The following TMEM245 variants were observed in gnomAD, a reference collection of about 807,000 sequenced individuals.
TMEM245 encodes protein CG-2.
Under a neutral mutation model 101.2 loss-of-function variants are expected in TMEM245, and 69 were observed. The ratio of observed to expected loss-of-function variants is 0.68; its 90% CI spans 0.56 to 0.83. The LOEUF (loss-of-function observed/expected upper bound fraction) is 0.83. Ranked by LOEUF, TMEM245 falls within the 40% of genes least tolerant of loss-of-function variation. The pLI is 0.00. For missense variants in TMEM245, 1,075 were observed against 1,092.8 expected, an observed-to-expected ratio of 0.98 and a Z score of 0.23; for synonymous variants, 537 against 449.8, an observed-to-expected ratio of 1.19 and a Z score of -2.45.
chr9:109,119,445 G>T lies in TMEM245; in HGVS notation c.469C>A (p.Pro157Thr). ...AGGCAGTAGAGGCCGTACAGGAGCG[G>T]GCCGCCGGCGCCGAGCAGCAGGAGC... ...RLLLLLGAGGPLLYGLYCLGS... is the reference protein window; with the variant it reads ...RLLLLLGAGGTLLYGLYCLGS... The change falls in exon 1 of 18, where the codon CCG (proline) becomes ACG (threonine). Residue 157 changes from proline to threonine, a missense_variant. Pro to Thr is a conservative substitution (Grantham distance 38, BLOSUM62 -1). Around this residue, in one of 2 missense-constraint regions of TMEM245, gnomAD observed 808 missense variants for 741.5 expected, o/e 1.09. Transcript: ENST00000374586. The T allele has an allele frequency of 6.6e-7, 1 of 1,507,070 alleles. No homozygotes were observed. Among genetic ancestry groups the T allele is most frequent in the Non-Finnish European group, 8.8e-7 (1 of 1,135,048 alleles). The allele number at this position is 1,507,070 out of a possible 1,614,324, so 93.4% of individuals were successfully genotyped here. A position where few individuals can be genotyped will look rare whatever the true frequency, so the allele number is the denominator to read the frequency against.
intron 10 of TMEM245, among the ~76,000 whole-genome samples, chr9:109,062,191 A>C (rs934611293): frequency 1.3e-5 from 2 of 151,564 alleles, no homozygotes; most frequent in Admixed American, 1.3e-4. Flanking sequence ...TTTTTTGTAG[A>C]GACAAGGTCT....
At position 109,020,429 on chromosome 9, in the gene TMEM245, T is replaced by C. The variant is rs1424497653; in HGVS notation, c.*31A>G. 5 of 1,611,194 alleles carry C rather than the reference T, an allele frequency of 3.1e-6. No individual in the cohort carries two copies. The highest frequency in any genetic ancestry group is 4.2e-6 in the Non-Finnish European group (5 of 1,177,358). On this transcript the variant is annotated 3_prime_UTR_variant, in exon 18 of 18. Coordinates refer to ENST00000374586, the MANE Select transcript of TMEM245 (RefSeq NM_032012.4). The stretch of plus-strand genomic sequence containing the variant: ...CTGAACTCGCTGTCAAATTTGAACT[T>C]CCTAGAAAAATCACTGCAGAGGAAA...
intron 9 of TMEM245, among the ~76,000 whole-genome samples, chr9:109,069,029 T>C (rs1315820235): frequency 6.6e-6 from 1 of 152,226 alleles, no homozygotes; most frequent in African/African-American, 2.4e-5. Flanking sequence ...CCTGGTTTTA[T>C]TGTACTATAG....
chr9:109,099,116 C>T (rs1830217613), intron 3 of TMEM245, among the ~76,000 whole-genome samples: 1 of 152,192 alleles, frequency 6.6e-6, no homozygotes, highest in South Asian at 2.1e-4. Flanking sequence ...AATAACACCT[C>T]CCCAGCCTGC....
intron 3 of TMEM245, among the ~76,000 whole-genome samples, chr9:109,101,140 T>C (rs1052123586): frequency 1.3e-4 from 19 of 151,988 alleles, no homozygotes; most frequent in African/African-American, 4.6e-4. Context: ...ATAAGAATAA[T>C]AAATAAATAG....
intron 17 of TMEM245, among the ~76,000 whole-genome samples, chr9:109,025,974 T>C: frequency 6.6e-6 from 1 of 152,224 alleles, no homozygotes; most frequent in Non-Finnish European, 1.5e-5. Flanking sequence ...TCTAACAAGT[T>C]TTTTTGCAGT....
chr9:109,024,162 G>T (rs1317731878), intron 17 of TMEM245, among the ~76,000 whole-genome samples: 6 of 152,166 alleles, frequency 3.9e-5, no homozygotes, highest in Admixed American at 2.6e-4. Flanking sequence ...CCTGAAAGTT[G>T]TAACTAACTA....
intron 8 of TMEM245, among the ~76,000 whole-genome samples, chr9:109,074,756 C>A (rs1245385311): frequency 2.0e-5 from 3 of 152,082 alleles, no homozygotes; most frequent in African/African-American, 7.2e-5. Context: ...AGTCTAGATA[C>A]CCTAACAAAG....
intron 12 of TMEM245, among the ~76,000 whole-genome samples, chr9:109,055,599 T>C (rs1828807007): frequency 6.6e-6 from 1 of 152,116 alleles, no homozygotes; most frequent in South Asian, 2.1e-4. Flanking sequence ...GCAAGTATGA[T>C]AGCAGAAATG....
At chr9:109,108,617 T>TG (rs1039519431) in intron 1 of TMEM245, 47 bp from the exon 2 acceptor site, 6 of 1,361,240 alleles carry the variant, frequency 4.4e-6, no homozygotes, top group Non-Finnish European at 6.2e-6. Context: ...CACGTGAAAA[T>TG]GAACATACAA....
At chr9:109,099,036 T>G (rs1830215685) in intron 3 of TMEM245, among the ~76,000 whole-genome samples, 1 of 152,212 alleles carries the variant, frequency 6.6e-6, no homozygotes, top group Admixed American at 6.5e-5. Flanking sequence ...TCCATTCTTT[T>G]TCACAGGGAT....
At position 109,090,904 on chromosome 9, in the gene TMEM245, A is replaced by G; in HGVS notation, c.1150+18T>C. On this transcript the variant is annotated intron_variant, in intron 5 of 17. Coordinates refer to ENST00000374586, the MANE Select transcript of TMEM245 (RefSeq NM_032012.4). The stretch of plus-strand genomic sequence containing the variant: ...ATCTTCAAAGACAAGACGAGATCGT[A>G]CTTAACCAGATAACGACCTGCAATC... 6.2e-7 allele frequency: 1 copy of G among 1,610,454 alleles called. No homozygotes were observed. Among genetic ancestry groups the G allele is most frequent in the Non-Finnish European group, 8.5e-7 (1 of 1,176,762 alleles).
chr9:109,057,357 A>G, intron 11 of TMEM245, 35 bp from the exon 12 acceptor site: 1 of 1,595,132 alleles, frequency 6.3e-7, no homozygotes, highest in Non-Finnish European at 8.6e-7. Flanking sequence ...TGAAATTCCC[A>G]TCTTAATCTA....
chr9:109,074,846 C>G (rs751526311), intron 8 of TMEM245, among the ~76,000 whole-genome samples: 7 of 152,130 alleles, frequency 4.6e-5, no homozygotes, highest in Non-Finnish European at 8.8e-5. Context: ...ACACAAAATA[C>G]AAACTGCACC....
In TMEM245 at chr9:109,081,003, T is replaced by C; in HGVS notation, c.1345-60A>G. ...TAAAGTAGAACTTTAAAAATACATATACTCAATTGTCATAAAGACAAAACA... is the reference window on the plus strand; with the variant it reads ...TAAAGTAGAACTTTAAAAATACATACACTCAATTGTCATAAAGACAAAACA... On this transcript the variant is annotated intron_variant, in intron 7 of 17. Transcript: ENST00000374586. The C allele has an allele frequency of 3.7e-6, 4 of 1,075,106 alleles. No individual in the cohort carries two copies. The South Asian group carries it at 4.1e-5, about 11-fold the overall frequency. The allele number at this position is 1,075,106 out of a possible 1,614,324, so 66.6% of individuals were successfully genotyped here. A position where few individuals can be genotyped will look rare whatever the true frequency, so the allele number is the denominator to read the frequency against.
Position 109,107,778 on chromosome 9 carries a change from G to C in TMEM245, c.697+675C>G, listed in dbSNP as rs111603947. 9.5e-4 allele frequency among the ~76,000 whole-genome samples: 145 copies of C among 152,280 alleles called. 1 individual carries two copies. The highest frequency in any genetic ancestry group is 3.2e-3 in the African/African-American group (134 of 41,560). ...TTCCATTGGCTCAAACTTGGGAGAT[G>C]AAAGTCTCAACCATAAGTACCACGC... On this transcript the variant is annotated intron_variant, in intron 2 of 17. Coordinates refer to ENST00000374586, the MANE Select transcript of TMEM245 (RefSeq NM_032012.4).
intron 14 of TMEM245, among the ~76,000 whole-genome samples, chr9:109,048,709 G>A (rs7851610): frequency 0.022 from 3,419 of 152,244 alleles, 71 homozygotes; most frequent in Non-Finnish European, 0.038. Flanking sequence ...CTGCAAAAGG[G>A]TCCTCCCTAC....
chr9:109,035,156 C>CAAA lies in TMEM245; in HGVS notation c.2399+1047_2399+1049dup, dbSNP rs778574292. Reference sequence around the variant, plus strand: ...TGGGTGATAGAGGGAGACTCTGTCTCAAAAAAAAAAAAAAAAAAAAAAAAA... The same window carrying CAAA: ...TGGGTGATAGAGGGAGACTCTGTCTCAAAAAAAAAAAAAAAAAAAAAAAAAAAA... On this transcript the variant is annotated intron_variant, in intron 16 of 17. Coordinates refer to ENST00000374586, the MANE Select transcript of TMEM245 (RefSeq NM_032012.4). Among the ~76,000 whole-genome samples, 506 of 51,152 alleles carry CAAA rather than the reference C, an allele frequency of 9.9e-3. 15 individuals carry two copies. Among genetic ancestry groups the CAAA allele is most frequent in the African/African-American group, 0.031 (441 of 14,050 alleles). 33.6% of individuals were successfully genotyped at this position (51,152 alleles called of 152,430 possible). A position where few individuals can be genotyped will look rare whatever the true frequency, so the allele number is the denominator to read the frequency against.
intron 15 of TMEM245, among the ~76,000 whole-genome samples, chr9:109,036,590 C>A (rs752833639): frequency 6.6e-6 from 1 of 152,076 alleles, no homozygotes; most frequent in Non-Finnish European, 1.5e-5. Flanking sequence ...TACTAAAAAT[C>A]TTTCTAAGTG....
Sources: gnomAD v4.1 joint callset for allele counts (sites outside exome capture counted in the v4.1 genomes callset) on GRCh38, gnomAD v4.1.1 for gene constraint, gnomAD v4.1.1 regional missense constraint, MANE v1.5 for transcripts, NCBI Gene and HGNC (gene_info 2026-07-23, HGNC 2026-07-21) for gene names.